The following WNK1 variants were observed in gnomAD, a reference collection of about 807,000 sequenced individuals.
WNK1 encodes WNK lysine deficient protein kinase 1.
WNK1 carries 38 observed loss-of-function variants against 222.8 expected under a neutral mutation model. That is an observed-to-expected ratio of 0.17 (90% CI 0.13 to 0.22). The LOEUF is 0.22. Among genes scored for constraint, WNK1 ranks in the 10% least tolerant of loss-of-function variants. The probability of loss-of-function intolerance (pLI) is 1.00; values close to 1 mark genes in which losing one functional copy is unlikely to be tolerated. For missense variants in WNK1, 2,348 were observed against 2,918.4 expected, an observed-to-expected ratio of 0.80 and a Z score of 4.50; for synonymous variants, 1,090 against 1,092.9, an observed-to-expected ratio of 1.00 and a Z score of 0.05.
rs1238704041 is a variant in WNK1 at position 753,703 on chromosome 12, T to A, written c.138T>A (p.Ala46=). ...GEKLGAAAAD[A]VTGRTEEYRR... ...AACTGGGAGCCGCGGCCGCCGACGC[T>A]GTGACCGGCAGGACCGAGGAGTACA... Residue 46 remains alanine, a synonymous_variant, in exon 1 of 28, where the codon GCT becomes GCA. Transcript: ENST00000315939. This position sits in a 1 kb window ranked among gnomAD's most constrained non-coding sequence, Gnocchi z 5.2. 1 of 1,612,112 alleles carries A rather than the reference T, an allele frequency of 6.2e-7. No homozygotes were observed. The highest frequency in any genetic ancestry group is 2.2e-5 in the East Asian group (1 of 44,844).
At chr12:836,100 A>G (rs1949159193) in intron 4 of WNK1, among the ~76,000 whole-genome samples, 1 of 152,208 alleles carries the variant, frequency 6.6e-6, no homozygotes, top group Non-Finnish European at 1.5e-5. Context: ...ATGACTAGGT[A>G]CTAATACAAT....
At chr12:766,498 T>TC (rs1941710716) in intron 1 of WNK1, among the ~76,000 whole-genome samples, 2 of 152,168 alleles carry the variant, frequency 1.3e-5, no homozygotes, top group South Asian at 4.1e-4. Flanking sequence ...TTTTTTTTTT[T>TC]GAGACAGTCT....
intron 1 of WNK1, among the ~76,000 whole-genome samples, chr12:777,614 A>G (rs900052854): frequency 6.6e-5 from 10 of 152,202 alleles, no homozygotes; most frequent in Non-Finnish European, 1.5e-4. Flanking sequence ...TAATTCAGCT[A>G]TGTAATTTCT....
intron 1 of WNK1, among the ~76,000 whole-genome samples, chr12:780,060 G>T (rs1314024239): frequency 6.6e-6 from 1 of 152,122 alleles, no homozygotes; most frequent in East Asian, 1.9e-4. Flanking sequence ...CTTTTCTGGG[G>T]TTCTTGGCAA....
Position 896,560 on chromosome 12 carries a change from G to A in WNK1, c.6073G>A (p.Asp2025Asn). The change falls in exon 24 of 28, where the codon GAT (aspartate) becomes AAT (asparagine). Residue 2025 changes from aspartate to asparagine, a missense_variant. Physicochemically the swap from Asp to Asn is conservative, Grantham distance 23. Transcript: ENST00000315939. Reference protein sequence around the residue: ...EAAFLSRDVDDGSGSPHSPHQ... With the variant: ...EAAFLSRDVDNGSGSPHSPHQ... ...CGCTTTTTTAAGTAGGGATGTGGAT[G>A]ATGGTTCCGGTAGTCCACACTCGCC... 6.2e-7 allele frequency: 1 copy of A among 1,613,304 alleles called. No homozygotes were observed. The highest frequency in any genetic ancestry group is 8.5e-7 in the Non-Finnish European group (1 of 1,179,866).
chr12:807,984 G>T (rs528167592), intron 1 of WNK1, among the ~76,000 whole-genome samples: 2 of 152,164 alleles, frequency 1.3e-5, no homozygotes, highest in East Asian at 3.9e-4. Context: ...CTCCCAAAGT[G>T]CTGGGATTCC....
intron 1 of WNK1, among the ~76,000 whole-genome samples, chr12:756,710 G>A (rs1940091394): frequency 6.6e-6 from 1 of 152,180 alleles, no homozygotes; most frequent in Non-Finnish European, 1.5e-5. Context: ...ATATTCAGTG[G>A]GTCAGTGTTT....
chr12:862,885 T>C (rs2154067136), intron 8 of WNK1, among the ~76,000 whole-genome samples: 1 of 152,360 alleles, frequency 6.6e-6, no homozygotes, highest in South Asian at 2.1e-4. Context: ...TATTACTGAT[T>C]TATTTTCAGA....
intron 20 of WNK1, among the ~76,000 whole-genome samples, chr12:888,368 A>G (rs1953874503): frequency 6.6e-6 from 1 of 152,226 alleles, no homozygotes; most frequent in Admixed American, 6.5e-5. Flanking sequence ...TTAGTTTTAA[A>G]CTTATTTTCT....
At chr12:823,314 A>G (rs1948060384) in intron 2 of WNK1, among the ~76,000 whole-genome samples, 1 of 151,824 alleles carries the variant, frequency 6.6e-6, no homozygotes, top group African/African-American at 2.4e-5. Flanking sequence ...GTGTAGATTC[A>G]TGTCTTTTAC....
intron 1 of WNK1, among the ~76,000 whole-genome samples, chr12:803,346 AG>A (rs754708452): frequency 4.6e-5 from 7 of 152,252 alleles, no homozygotes; most frequent in Non-Finnish European, 7.3e-5. Flanking sequence ...AGTGCAAAAC[AG>A]TATAGTATAT....
intron 1 of WNK1, 138 bp downstream of exon 1, chr12:754,462 G>A: frequency 9.5e-7 from 1 of 1,047,972 alleles, no homozygotes; most frequent in Non-Finnish European, 1.5e-6. Flanking sequence ...TTTTGAAAGG[G>A]GCTGAAATTA....
intron 9 of WNK1, among the ~76,000 whole-genome samples, chr12:876,364 G>A (rs11614499): frequency 2.6e-5 from 4 of 151,866 alleles, no homozygotes; most frequent in South Asian, 2.1e-4. Flanking sequence ...AGCCAAGATC[G>A]CGCCACTGCA....
rs1345885522 is a variant in WNK1 at position 755,795 on chromosome 12, G to A, written c.759+1471G>A. On this transcript the variant is annotated intron_variant, in intron 1 of 27. Coordinates refer to ENST00000315939, the MANE Select transcript of WNK1 (RefSeq NM_018979.4). ...TTCGAGACCAGCCTGACCAACATGG[G>A]GAAACCCCGACTCTACTAAAAATAC... Among the ~76,000 whole-genome samples the A allele has an allele frequency of 3.3e-5, 5 of 152,230 alleles. No individual in the cohort carries two copies. The East Asian group carries it at 7.7e-4, about 24-fold the overall frequency.
chr12:769,171 G>T (rs1478649081), intron 1 of WNK1, among the ~76,000 whole-genome samples: 1 of 151,844 alleles, frequency 6.6e-6, no homozygotes, highest in South Asian at 2.1e-4. Flanking sequence ...AAACATAACA[G>T]TTGTCCCAGA....
intron 1 of WNK1, among the ~76,000 whole-genome samples, chr12:793,638 G>C (rs759327723): frequency 6.6e-6 from 1 of 152,036 alleles, no homozygotes; most frequent in East Asian, 1.9e-4. Context: ...GTATATTCTT[G>C]TCTGGCCCTG....
intron 4 of WNK1, among the ~76,000 whole-genome samples, chr12:849,766 G>A (rs1037650066): frequency 6.6e-6 from 1 of 150,932 alleles, no homozygotes; most frequent in African/African-American, 2.4e-5. Context: ...CTCTTCCTGT[G>A]TCCATGTGTT....
intron 9 of WNK1, among the ~76,000 whole-genome samples, chr12:872,922 A>C (rs78772771): frequency 1.3e-5 from 2 of 152,188 alleles, no homozygotes; most frequent in African/African-American, 4.8e-5. Flanking sequence ...TTATACATGC[A>C]TTCACTCCGT....
chr12:762,597 A>C (rs984827725), intron 1 of WNK1, among the ~76,000 whole-genome samples: 2 of 147,194 alleles, frequency 1.4e-5, no homozygotes, highest in African/African-American at 2.4e-5. Flanking sequence ...AGAGTAACTG[A>C]AGAGTTGAGT....
Sources: allele counts gnomAD v4.1 joint callset (sites outside exome capture counted in the v4.1 genomes callset), GRCh38; gene constraint gnomAD v4.1.1; non-coding constraint Gnocchi (gnomAD v3.1); transcripts MANE v1.5; gene names NCBI Gene and HGNC (gene_info 2026-07-23, HGNC 2026-07-21).